The following MBTD1 variants were observed in gnomAD, a reference collection of about 807,000 sequenced individuals.
MBTD1 encodes the protein MBT domain-containing protein 1.
A neutral mutation model predicts 87.8 loss-of-function variants in MBTD1; 24 were observed. The ratio of observed to expected loss-of-function variants is 0.27; its 90% confidence interval spans 0.20 to 0.38. The LOEUF is 0.38. Among genes scored for constraint, MBTD1 ranks in the 10% least tolerant of loss-of-function variants. The pLI, the probability that MBTD1 is intolerant of heterozygous loss-of-function variation, is 1.00. For synonymous variants in MBTD1, 237 were observed against 248.6 expected, an observed-to-expected ratio of 0.95 and a Z score of 0.44; for missense variants, 436 against 760.2, an observed-to-expected ratio of 0.57 and a Z score of 5.02.
At chr17:51,220,542 C>T (rs2143618953) in intron 3 of MBTD1, 79 bp from the exon 4 acceptor site, 2 of 1,311,204 alleles carry the variant, frequency 1.5e-6, no homozygotes, top group South Asian at 3.0e-5. Context: ...AATAATTTCT[C>T]CTGCCATCTG....
chr17:51,246,313 A>C (rs8068115), intron 2 of MBTD1, among the ~76,000 whole-genome samples: 77,964 of 151,990 alleles, frequency 0.51, 20,311 homozygotes, highest in South Asian at 0.65. Flanking sequence ...ACCAGCAGAA[A>C]GCAAAGGTGT....
intron 12 of MBTD1, among the ~76,000 whole-genome samples, chr17:51,196,153 C>T (rs981659811): frequency 2.6e-5 from 4 of 151,856 alleles, no homozygotes; most frequent in Admixed American, 2.0e-4. Flanking sequence ...CTCAAGTGAT[C>T]CTTCTGCCGT....
chr17:51,208,605 T>C (rs993617662), intron 6 of MBTD1, among the ~76,000 whole-genome samples: 2 of 152,236 alleles, frequency 1.3e-5, no homozygotes, highest in African/African-American at 4.8e-5. Context: ...AGTAGATAGA[T>C]GCAGTTAAAT....
chr17:51,194,252 C>A (rs1209176518), intron 13 of MBTD1, among the ~76,000 whole-genome samples: 1 of 152,070 alleles, frequency 6.6e-6, no homozygotes, highest in Non-Finnish European at 1.5e-5. Context: ...GGTTAAACCA[C>A]GAGTAAAACA....
At position 51,179,484 on chromosome 17, in the gene MBTD1, T is replaced by TATATATATATATATTTTTATATATATATA. The variant is rs60957699; in HGVS notation, c.*1091_*1092insTATATATATATAAAAATATATATATATAT. 2 of 35,304 alleles carry TATATATATATATATTTTTATATATATATA rather than the reference T, an allele frequency of 5.7e-5. No homozygotes were observed. The highest frequency in any genetic ancestry group is 1.2e-4 in the Non-Finnish European group (2 of 17,020). 2.2% of individuals were successfully genotyped at this position (35,304 alleles called of 1,614,324 possible). ...ATCCTGAATACAATTAAAGACAATTTTATATATATATATATATATATATAT... is the reference window on the plus strand; with the variant it reads ...ATCCTGAATACAATTAAAGACAATTTATATATATATATATTTTTATATATATATATATATATATATATATATATATATAT... On this transcript the variant is annotated 3_prime_UTR_variant, in exon 17 of 17. Coordinates refer to ENST00000586178, the MANE Select transcript of MBTD1 (RefSeq NM_017643.3).
chr17:51,223,262 G>A (rs532086506), intron 3 of MBTD1, among the ~76,000 whole-genome samples: 55 of 152,190 alleles, frequency 3.6e-4, no homozygotes, highest in African/African-American at 1.3e-3. Flanking sequence ...GCAGGGTGCA[G>A]TGGCTCACAC....
intron 2 of MBTD1, among the ~76,000 whole-genome samples, chr17:51,241,987 C>A (rs542289811): frequency 2.0e-5 from 3 of 152,314 alleles, no homozygotes; most frequent in African/African-American, 7.2e-5. Context: ...ATGCCTCTAT[C>A]ATTTTCTGAG....
At chr17:51,243,709 T>TA (rs1222854276) in intron 2 of MBTD1, among the ~76,000 whole-genome samples, 1 of 152,222 alleles carries the variant, frequency 6.6e-6, no homozygotes, top group African/African-American at 2.4e-5. Context: ...TAATTTTTTT[T>TA]AGATACAGGG....
chr17:51,245,140 T>TCTGCTCG (rs2054359824), intron 2 of MBTD1, among the ~76,000 whole-genome samples: 1 of 152,194 alleles, frequency 6.6e-6, no homozygotes, highest in Admixed American at 6.5e-5. Context: ...GACCTCGTGA[T>TCTGCTCG]CTGCTCGCCT....
At position 51,218,834 on chromosome 17, in the gene MBTD1, A is replaced by T. The variant is rs77317644; in HGVS notation, c.403+96T>A. 3 of 736,160 alleles carry T rather than the reference A, an allele frequency of 4.1e-6. No individual in the cohort carries two copies. In the African/African-American group the frequency reaches 5.2e-5, roughly 13 times the overall value. 45.6% of individuals were successfully genotyped at this position (736,160 alleles called of 1,614,324 possible). A position where few individuals can be genotyped will look rare whatever the true frequency, so the allele number is the denominator to read the frequency against. ...TAATGTGCTGACAGGACATAGAAAC[A>T]GCTAGTTAAACAGAATTCAAAATTA... On this transcript the variant is annotated intron_variant, in intron 5 of 16. Coordinates refer to ENST00000586178, the MANE Select transcript of MBTD1 (RefSeq NM_017643.3).
intron 12 of MBTD1, 57 bp downstream of exon 12, chr17:51,201,535 T>C (rs1276572364): frequency 9.0e-6 from 10 of 1,106,506 alleles, no homozygotes; most frequent in Non-Finnish European, 1.3e-5. Flanking sequence ...CTCCTTCTAT[T>C]AGCTTATACC....
At chr17:51,192,506 A>T in intron 15 of MBTD1, 2 of 639,328 alleles carry the variant, frequency 3.1e-6, no homozygotes, top group Admixed American at 3.1e-5. Context: ...AACTTTTAGT[A>T]TGTAATTTTT....
chr17:51,232,540 A>C (rs2143849403), intron 2 of MBTD1, among the ~76,000 whole-genome samples: 1 of 152,310 alleles, frequency 6.6e-6, no homozygotes, highest in South Asian at 2.1e-4. Context: ...ACATGGCTAA[A>C]GAGAATTAAA....
At chr17:51,188,648 T>C (rs1430016693) in intron 16 of MBTD1, among the ~76,000 whole-genome samples, 3 of 151,852 alleles carry the variant, frequency 2.0e-5, no homozygotes, top group African/African-American at 7.3e-5. Flanking sequence ...AACAAACTGC[T>C]GAGTAATAGA....
upstream of MBTD1, chr17:51,260,884 G>T (rs775902416): frequency 1.3e-6 from 2 of 1,599,848 alleles, no homozygotes; most frequent in Non-Finnish European, 1.7e-6. Context: ...GCGACGTCGA[G>T]AACGACGAGG....
intron 3 of MBTD1, among the ~76,000 whole-genome samples, 162 bp downstream of exon 3, chr17:51,224,846 A>G (rs1225115648): frequency 6.6e-6 from 1 of 152,236 alleles, no homozygotes; most frequent in African/African-American, 2.4e-5. Context: ...GGCAAAATAA[A>G]GAGTTAAACA....
chr17:51,217,192 A>G, intron 6 of MBTD1, 142 bp downstream of exon 6: 1 of 516,906 alleles, frequency 1.9e-6, no homozygotes. Context: ...ACTATTATTA[A>G]GTATAATAAT....
At chr17:51,217,516 A>G (rs2052636931) in intron 5 of MBTD1, 100 bp from the exon 6 acceptor site, 2 of 574,956 alleles carry the variant, frequency 3.5e-6, no homozygotes, top group Non-Finnish European at 5.9e-6. Context: ...AAATTAATTT[A>G]TCCCATTTAA....
At chr17:51,230,370 T>C (rs983117829) in intron 2 of MBTD1, among the ~76,000 whole-genome samples, 1 of 152,214 alleles carries the variant, frequency 6.6e-6, no homozygotes, top group African/African-American at 2.4e-5. Context: ...TATGGGTTTC[T>C]TCTCTTACTC....
Sources: gnomAD v4.1 joint callset for allele counts (sites outside exome capture counted in the v4.1 genomes callset) on GRCh38, gnomAD v4.1.1 for gene constraint, MANE v1.5 for transcripts, NCBI Gene and HGNC (gene_info 2026-07-23, HGNC 2026-07-21) for gene names.